Variants in PPP6R2 observed in about 807,000 individuals in gnomAD.
The protein encoded by PPP6R2 is protein phosphatase 6 regulatory subunit 2.
PPP6R2 carries 62 observed loss-of-function variants against 100.2 expected under a neutral mutation model. That is an observed-to-expected ratio of 0.62 (90% CI 0.50 to 0.76). The LOEUF (loss-of-function observed/expected upper bound fraction) is 0.76. Among genes scored for constraint, PPP6R2 ranks in the 30% least tolerant of loss-of-function variants. PPP6R2 has a pLI of 0.00. For missense variants in PPP6R2, 1,142 were observed against 1,276.3 expected (o/e 0.89, Z 1.60); for synonymous variants, 525 against 514.7 (o/e 1.02, Z -0.27).
Position 50,444,904 on chromosome 22 carries a change from C to T in PPP6R2, c.*657C>T. 1 of 153,088 alleles carries T rather than the reference C, an allele frequency of 6.5e-6. No individual in the cohort carries two copies. The highest frequency in any genetic ancestry group is 1.5e-5 in the Non-Finnish European group (1 of 68,476). The allele number at this position is 153,088 out of a possible 1,614,324, so 9.5% of individuals were successfully genotyped here. On this transcript the variant is annotated 3_prime_UTR_variant, in exon 24 of 24. Transcript: ENST00000612753. Reference sequence around the variant, plus strand: ...CTGGCAGGGGGAGACCACAGGTATGCAGGTGGGGGGACATGGTGTGGCACT... The same window carrying T: ...CTGGCAGGGGGAGACCACAGGTATGTAGGTGGGGGGACATGGTGTGGCACT...
chr22:50,343,683 TCCCCCCAG>T (rs2042715278), intron 1 of PPP6R2, 133 bp downstream of exon 1: 1 of 45,258 alleles, frequency 2.2e-5, no homozygotes, highest in African/African-American at 1.1e-4. Context: ...TCCAGTCAGT[TCCCCCCAG>T]TCGGTGCCCC....
intron 4 of PPP6R2, among the ~76,000 whole-genome samples, chr22:50,409,270 A>G (rs2059409903): frequency 1.3e-5 from 2 of 152,210 alleles, no homozygotes; most frequent in Non-Finnish European, 2.9e-5. Flanking sequence ...AATTCTTTCA[A>G]ACGTCTACAA....
chr22:50,363,021 G>A (rs569171268), intron 1 of PPP6R2, among the ~76,000 whole-genome samples: 19 of 152,212 alleles, frequency 1.2e-4, no homozygotes, highest in South Asian at 6.2e-4. Context: ...GCCTGAGGAT[G>A]TATTTAGCTT....
intron 2 of PPP6R2, among the ~76,000 whole-genome samples, chr22:50,373,613 G>A (rs1288492916): frequency 6.6e-6 from 1 of 151,926 alleles, no homozygotes; most frequent in Non-Finnish European, 1.5e-5. Flanking sequence ...GTGCAGTGGT[G>A]TGATCATAGC....
chr22:50,441,059 G>C (rs758985493), intron 22 of PPP6R2, 33 bp downstream of exon 22: 15 of 1,481,858 alleles, frequency 1.0e-5, no homozygotes. Flanking sequence ...GGGCCTGCCG[G>C]GTGCATAGGG....
intron 22 of PPP6R2, among the ~76,000 whole-genome samples, chr22:50,441,762 C>T (rs1244991525): frequency 3.3e-5 from 5 of 152,128 alleles, no homozygotes; most frequent in Admixed American, 6.5e-5. Flanking sequence ...GAACCCCATC[C>T]GTCCCCAGGG....
intron 1 of PPP6R2, among the ~76,000 whole-genome samples, chr22:50,361,162 G>A (rs1265216418): frequency 2.6e-5 from 4 of 152,146 alleles, no homozygotes; most frequent in African/African-American, 9.7e-5. Context: ...CCTGGGTAGT[G>A]CCTTCCTGTC....
At chr22:50,422,853 A>G (rs1422363824) in intron 9 of PPP6R2, among the ~76,000 whole-genome samples, 1 of 152,136 alleles carries the variant, frequency 6.6e-6, no homozygotes, top group East Asian at 1.9e-4. Context: ...CCTGACCTAT[A>G]GCTCAGTTCC....
chr22:50,413,585 T>C (rs2060066256), intron 4 of PPP6R2, among the ~76,000 whole-genome samples: 3 of 152,226 alleles, frequency 2.0e-5, no homozygotes, highest in African/African-American at 7.2e-5. Context: ...CTTAATATTG[T>C]TATTTGTACC....
intron 10 of PPP6R2, among the ~76,000 whole-genome samples, chr22:50,429,931 C>T (rs2062832011): frequency 6.6e-6 from 1 of 152,206 alleles, no homozygotes; most frequent in African/African-American, 2.4e-5. Context: ...AATGAGCCTC[C>T]TGCCTTTCTC....
At chr22:50,381,083 C>T (rs2148667022) in intron 2 of PPP6R2, among the ~76,000 whole-genome samples, 1 of 147,016 alleles carries the variant, frequency 6.8e-6, no homozygotes, top group Non-Finnish European at 1.5e-5. Flanking sequence ...CATTGCACTC[C>T]AGCCTGGGTG....
upstream of PPP6R2, among the ~76,000 whole-genome samples, chr22:50,339,555 T>G (rs1342216365): frequency 2.5e-4 from 26 of 102,566 alleles, no homozygotes; most frequent in African/African-American, 4.0e-4. Flanking sequence ...GGTGTGTGTG[T>G]GGTGTGTGTG....
intron 2 of PPP6R2, chr22:50,393,635 A>C: frequency 3.1e-6 from 3 of 953,720 alleles, no homozygotes; most frequent in Non-Finnish European, 3.7e-6. Flanking sequence ...GCTGTTGAGC[A>C]GCTGGGAAGT....
chr22:50,338,104 G>A, the PPP6R2 span, among the ~76,000 whole-genome samples: 6 of 138,606 alleles, frequency 4.3e-5, no homozygotes, highest in African/African-American at 1.6e-4. Flanking sequence ...GTGGTGTGTG[G>A]TATGTGGTGT....
intron 4 of PPP6R2, among the ~76,000 whole-genome samples, chr22:50,410,385 C>T (rs970179492): frequency 1.3e-5 from 2 of 151,848 alleles, no homozygotes; most frequent in African/African-American, 4.8e-5. Context: ...AAATACACTG[C>T]AGTTCTCTGT....
rs756082193 is a variant in PPP6R2 at position 50,401,507 on chromosome 22, A to AT, written c.228-5166dup. 4.3e-3 allele frequency among the ~76,000 whole-genome samples: 488 copies of AT among 112,826 alleles called. 1 individual carries two copies. Among genetic ancestry groups the AT allele is most frequent in the Middle Eastern group, 0.017 (2 of 120 alleles). The allele number at this position is 112,826 out of a possible 152,430, so 74.0% of individuals were successfully genotyped here. A position where few individuals can be genotyped will look rare whatever the true frequency, so the allele number is the denominator to read the frequency against. ...AGGCGTGAGCCACCGCGCCAGGCCA[A>AT]TTTTTTTTTTTTTTTTCTGAGACAG... On this transcript the variant is annotated intron_variant, in intron 3 of 23. Coordinates refer to ENST00000612753, the MANE Select transcript of PPP6R2 (RefSeq NM_001242898.2).
At chr22:50,351,024 GT>G (rs2045003847) in intron 1 of PPP6R2, among the ~76,000 whole-genome samples, 1 of 70,632 alleles carries the variant, frequency 1.4e-5, no homozygotes, top group African/African-American at 1.3e-4. Flanking sequence ...GGTCTCAACA[GT>G]GTTTTTTTTT....
intron 4 of PPP6R2, among the ~76,000 whole-genome samples, chr22:50,413,914 C>G (rs2060117742): frequency 6.6e-6 from 1 of 152,234 alleles, no homozygotes; most frequent in South Asian, 2.1e-4. Context: ...GCCTTCACTT[C>G]TCCACTGTTA....
intron 2 of PPP6R2, 45 bp downstream of exon 2, chr22:50,372,195 A>G (rs1384359392): frequency 6.6e-6 from 1 of 152,206 alleles, no homozygotes; most frequent in Non-Finnish European, 1.5e-5. Flanking sequence ...TTATTGTGTA[A>G]TTTATGTAAA....
Sources: allele counts gnomAD v4.1 joint callset (sites outside exome capture counted in the v4.1 genomes callset), GRCh38; gene constraint gnomAD v4.1.1; transcripts MANE v1.5; gene names NCBI Gene and HGNC (gene_info 2026-07-23, HGNC 2026-07-21).